The following AXDND1 variants were observed in gnomAD, a reference collection of about 807,000 sequenced individuals.
AXDND1 encodes the protein axonemal dynein light chain domain containing 1, also known as axonemal dynein light chain domain-containing protein 1.
In AXDND1, 110 loss-of-function variants were observed where a neutral mutation model predicts 137.5. That is an observed-to-expected ratio of 0.80 (90% CI 0.69 to 0.94). The LOEUF is 0.94. Among genes scored for constraint, AXDND1 ranks in the 40% least tolerant of loss-of-function variants. The probability of loss-of-function intolerance (pLI) is 0.00; values close to 1 mark genes in which losing one functional copy is unlikely to be tolerated. For synonymous variants in AXDND1, 414 were observed against 399.7 expected (o/e 1.04, Z -0.43); for missense variants, 1,191 against 1,169.8 (o/e 1.02, Z -0.26).
At chr1:179,405,540 C>T (rs945196750) in intron 11 of AXDND1, among the ~76,000 whole-genome samples, 1 of 152,064 alleles carries the variant, frequency 6.6e-6, no homozygotes, top group Admixed American at 6.6e-5. Flanking sequence ...CTTTGGGAGA[C>T]TTTTAATTAC....
intron 17 of AXDND1, 75 bp from the exon 18 acceptor site, chr1:179,483,053 C>A: frequency 1.0e-6 from 1 of 999,336 alleles, no homozygotes; most frequent in Non-Finnish European, 1.5e-6. Flanking sequence ...AAATAAAACT[C>A]TTTCTCATAG....
At chr1:179,502,711 G>A (rs529374077) in intron 20 of AXDND1, among the ~76,000 whole-genome samples, 2 of 151,838 alleles carry the variant, frequency 1.3e-5, no homozygotes, top group South Asian at 2.1e-4. Flanking sequence ...ATCTGTTAAA[G>A]TTGCAACACA....
intron 16 of AXDND1, among the ~76,000 whole-genome samples, chr1:179,460,347 C>T (rs1361470242): frequency 6.6e-6 from 1 of 152,138 alleles, no homozygotes; most frequent in Non-Finnish European, 1.5e-5. Context: ...CCAGCTTCAT[C>T]CATGTCCCTA....
chr1:179,508,387 C>T (rs539273420), intron 20 of AXDND1, among the ~76,000 whole-genome samples: 132 of 151,900 alleles, frequency 8.7e-4, no homozygotes, highest in African/African-American at 2.3e-3. Flanking sequence ...TATTACTGCT[C>T]ATTGTGGTTG....
chr1:179,535,921 TGGTGTGA>T (rs1671511496), intron 25 of AXDND1, among the ~76,000 whole-genome samples: 1 of 152,228 alleles, frequency 6.6e-6, no homozygotes, highest in Non-Finnish European at 1.5e-5. Flanking sequence ...CCATTCTAAC[TGGTGTGA>T]GATGGCCTCT....
chr1:179,382,064 C>A (rs1041421373), intron 6 of AXDND1, among the ~76,000 whole-genome samples: 7 of 150,370 alleles, frequency 4.7e-5, no homozygotes, highest in Admixed American at 1.3e-4. Context: ...CATGAGCCAC[C>A]ACGCCCAGCC....
chr1:179,519,836 T>A (rs1669888614), intron 21 of AXDND1, among the ~76,000 whole-genome samples: 1 of 152,244 alleles, frequency 6.6e-6, no homozygotes, highest in Non-Finnish European at 1.5e-5. Flanking sequence ...CTTTCGGCTT[T>A]GTTCTTTTTC....
chr1:179,512,340 T>G (rs1669134426), intron 21 of AXDND1, among the ~76,000 whole-genome samples: 1 of 152,192 alleles, frequency 6.6e-6, no homozygotes, highest in African/African-American at 2.4e-5. Flanking sequence ...CACTTTATGT[T>G]TCTGTTTGCT....
At chr1:179,536,822 T>A (rs1201772959) in intron 25 of AXDND1, among the ~76,000 whole-genome samples, 1 of 152,234 alleles carries the variant, frequency 6.6e-6, no homozygotes, top group African/African-American at 2.4e-5. Flanking sequence ...ATTTTCACGA[T>A]ATTGATTCTT....
intron 17 of AXDND1, among the ~76,000 whole-genome samples, chr1:179,479,417 G>C (rs1665052223): frequency 6.7e-6 from 1 of 149,306 alleles, no homozygotes; most frequent in Non-Finnish European, 1.5e-5. Context: ...GGAGATTGTG[G>C]TGAGCTGAGA....
chr1:179,491,021 C>A (rs1430913800), intron 18 of AXDND1, among the ~76,000 whole-genome samples: 4 of 152,144 alleles, frequency 2.6e-5, no homozygotes, highest in Non-Finnish European at 5.9e-5. Context: ...TTATCTATGG[C>A]CAGGCTAAAG....
intron 15 of AXDND1, among the ~76,000 whole-genome samples, chr1:179,440,585 G>C (rs1658846027): frequency 6.6e-6 from 1 of 152,344 alleles, no homozygotes; most frequent in East Asian, 1.9e-4. Context: ...TGGAACAGGC[G>C]AGTAAGGGCA....
chr1:179,372,791 C>G (rs1668173843), intron 4 of AXDND1, among the ~76,000 whole-genome samples: 1 of 152,076 alleles, frequency 6.6e-6, no homozygotes, highest in African/African-American at 2.4e-5. Flanking sequence ...TCAAGTGATT[C>G]TCCTGCCTCA....
chr1:179,491,511 A>G (rs376742583), intron 18 of AXDND1, 27 bp from the exon 19 acceptor site: 4 of 1,451,498 alleles, frequency 2.8e-6, no homozygotes, highest in Non-Finnish European at 3.8e-6. Flanking sequence ...AAAGTGGGTC[A>G]TTTGTATTAT....
At chr1:179,527,215 C>A (rs1670611483) in intron 22 of AXDND1, among the ~76,000 whole-genome samples, 1 of 152,174 alleles carries the variant, frequency 6.6e-6, no homozygotes, top group Non-Finnish European at 1.5e-5. Flanking sequence ...AACTTCCTGA[C>A]ATTGCCATGG....
intron 21 of AXDND1, among the ~76,000 whole-genome samples, chr1:179,523,615 T>A (rs1029358136): frequency 6.6e-6 from 1 of 152,238 alleles, no homozygotes; most frequent in African/African-American, 2.4e-5. Flanking sequence ...ACATGTCATG[T>A]AAATGGAATT....
chr1:179,429,491 C>T (rs910940830), intron 12 of AXDND1, 27 bp from the exon 13 acceptor site: 3 of 1,224,114 alleles, frequency 2.5e-6, no homozygotes, highest in East Asian at 2.7e-5. Context: ...GTTTTAGGTT[C>T]CTGATTATAG....
At chr1:179,419,672 A>C (rs1655377620) in intron 12 of AXDND1, among the ~76,000 whole-genome samples, 1 of 139,686 alleles carries the variant, frequency 7.2e-6, no homozygotes, top group Admixed American at 7.1e-5. Context: ...GGAGGGAGAC[A>C]GAGAGGGAGA....
chr1:179,509,759 C>G (rs4111172), intron 21 of AXDND1, among the ~76,000 whole-genome samples: 51,726 of 151,958 alleles, frequency 0.34, 8,777 homozygotes, highest in East Asian at 0.4. Flanking sequence ...TTTCTTCCTT[C>G]GAGCACTTAA....
Sources: allele counts gnomAD v4.1 joint callset (sites outside exome capture counted in the v4.1 genomes callset), GRCh38; gene constraint gnomAD v4.1.1; transcripts MANE v1.5; gene names NCBI Gene and HGNC (gene_info 2026-07-23, HGNC 2026-07-21).